TMEM272: variants seen among roughly 807,000 people sequenced by gnomAD.
The protein encoded by TMEM272 is transmembrane protein 272.
A neutral mutation model predicts 3.7 loss-of-function variants in TMEM272; 8 were observed. The ratio of observed to expected loss-of-function variants is 2.17; its 90% CI spans 1.27 to 3.91. The LOEUF is 3.91. Ranked by LOEUF, TMEM272 falls within the 30% of genes most tolerant of loss-of-function variation. The pLI is 0.00. For synonymous variants in TMEM272, 63 were observed against 39.8 expected (o/e 1.58, Z -2.20); for missense variants, 166 against 91.5 (o/e 1.81, Z -3.32).
chr13:51,858,520 T>G, the TMEM272 span, among the ~76,000 whole-genome samples: 27 of 152,142 alleles, frequency 1.8e-4, 1 homozygote, highest in Non-Finnish European at 3.5e-4. Flanking sequence ...AAGAAGAAAT[T>G]CCAGTGGATA....
the TMEM272 span, among the ~76,000 whole-genome samples, chr13:51,854,219 A>G: frequency 2.6e-5 from 4 of 152,172 alleles, no homozygotes; most frequent in Non-Finnish European, 4.4e-5. Context: ...TCTTATTGCT[A>G]TTTCCTCCAG....
At chr13:51,827,860 A>G (rs560102248) in intron 2 of TMEM272, among the ~76,000 whole-genome samples, 1 of 152,316 alleles carries the variant, frequency 6.6e-6, no homozygotes, top group South Asian at 2.1e-4. Flanking sequence ...CAGATACGTT[A>G]TTAGTGGATG....
the TMEM272 span, among the ~76,000 whole-genome samples, chr13:51,903,107 C>A: frequency 6.6e-6 from 1 of 152,198 alleles, no homozygotes; most frequent in African/African-American, 2.4e-5. Context: ...AGTTTGTACA[C>A]AAACACAATT....
the TMEM272 span, among the ~76,000 whole-genome samples, chr13:51,930,138 A>G: frequency 8.0e-6 from 1 of 125,080 alleles, no homozygotes; most frequent in Non-Finnish European, 1.7e-5. Context: ...CCCCCCCCCC[A>G]CTTTCTATAT....
chr13:51,885,913 A>G, the TMEM272 span, among the ~76,000 whole-genome samples: 1 of 152,226 alleles, frequency 6.6e-6, no homozygotes, highest in Non-Finnish European at 1.5e-5. Flanking sequence ...AAGAATTTCT[A>G]AAAATATAGC....
At chr13:51,925,722 C>G in the TMEM272 span, among the ~76,000 whole-genome samples, 1 of 152,120 alleles carries the variant, frequency 6.6e-6, no homozygotes, top group Admixed American at 6.5e-5. Flanking sequence ...GTGGCTTTCC[C>G]CTAAACACCC....
chr13:51,865,526 G>C, the TMEM272 span: 351 of 1,614,238 alleles, frequency 2.2e-4, 1 homozygote, highest in Middle Eastern at 1.5e-3. Context: ...GGAGGAAAAG[G>C]CTTTTCGCGA....
At chr13:51,913,962 CAT>C in the TMEM272 span, among the ~76,000 whole-genome samples, 1 of 152,186 alleles carries the variant, frequency 6.6e-6, no homozygotes, top group Non-Finnish European at 1.5e-5. Flanking sequence ...CAGCTGCAAA[CAT>C]GTTAAGAGAG....
chr13:51,865,277 G>C, the TMEM272 span: 1 of 914,538 alleles, frequency 1.1e-6, no homozygotes, highest in Non-Finnish European at 1.7e-6. Context: ...CAGAACCAAG[G>C]GCCGTCCCCT....
the TMEM272 span, among the ~76,000 whole-genome samples, chr13:51,853,819 G>A: frequency 1.3e-5 from 2 of 152,148 alleles, no homozygotes; most frequent in African/African-American, 4.8e-5. Flanking sequence ...GTAGTCATAA[G>A]GATAGGAAAT....
chr13:51,899,385 G>T, the TMEM272 span, among the ~76,000 whole-genome samples: 2 of 152,142 alleles, frequency 1.3e-5, no homozygotes, highest in Non-Finnish European at 2.9e-5. Context: ...CCAGAAAAGG[G>T]TATAGCGACT....
the TMEM272 span, among the ~76,000 whole-genome samples, chr13:51,852,018 A>T: frequency 6.6e-6 from 1 of 152,222 alleles, no homozygotes; most frequent in Non-Finnish European, 1.5e-5. Flanking sequence ...CTAGACATGG[A>T]ATTGCTGGGT....
At chr13:51,833,445 G>GAAGA (rs1438761678) in intron 2 of TMEM272, among the ~76,000 whole-genome samples, 2 of 152,218 alleles carry the variant, frequency 1.3e-5, no homozygotes, top group Non-Finnish European at 2.9e-5. Flanking sequence ...CTCTCGGAGT[G>GAAGA]AAGAGACCAG....
Position 51,817,038 on chromosome 13 carries a change from C to A in TMEM272, c.277G>T (p.Asp93Tyr). ...TTCTGCCTCCAGGGGTATTCGTCAT[C>A]GTCATCGTCATCAATCACCACGGCC... ...SKAVVIDDDD[D>Y]DEYPWRQNAH... The change falls in exon 5 of 5, where the codon GAT becomes TAT. Residue 93 changes from aspartate (D) to tyrosine (Y), a missense_variant. Transcript: ENST00000629372. 2 of 702,986 alleles carry A rather than the reference C, an allele frequency of 2.8e-6. No individual in the cohort carries two copies. The highest frequency in any genetic ancestry group is 1.5e-5 in the South Asian group (1 of 67,598). 43.5% of individuals were successfully genotyped at this position (702,986 alleles called of 1,614,324 possible). A position where few individuals can be genotyped will look rare whatever the true frequency, so the allele number is the denominator to read the frequency against.
At chr13:51,860,977 C>T in the TMEM272 span, among the ~76,000 whole-genome samples, 3 of 151,792 alleles carry the variant, frequency 2.0e-5, no homozygotes, top group Admixed American at 1.3e-4. Flanking sequence ...AAAGAAATTG[C>T]AGCATGTATA....
chr13:51,882,939 T>A, the TMEM272 span, among the ~76,000 whole-genome samples: 1 of 152,186 alleles, frequency 6.6e-6, no homozygotes, highest in East Asian at 1.9e-4. Context: ...CAGGCTGCAC[T>A]AGGCTGGTGC....
At chr13:51,890,839 C>T in the TMEM272 span, among the ~76,000 whole-genome samples, 15 of 152,168 alleles carry the variant, frequency 9.9e-5, no homozygotes, top group Non-Finnish European at 2.1e-4. Context: ...AAACTAAAGT[C>T]GTCTGCTCAG....
At chr13:51,913,175 A>C in the TMEM272 span, among the ~76,000 whole-genome samples, 11 of 152,260 alleles carry the variant, frequency 7.2e-5, no homozygotes, top group South Asian at 8.3e-4. Context: ...TGAAGGTGAA[A>C]GCTCCTCCCC....
intron 3 of TMEM272, among the ~76,000 whole-genome samples, chr13:51,824,097 T>A (rs1324256073): frequency 6.6e-6 from 1 of 152,260 alleles, no homozygotes; most frequent in Admixed American, 6.5e-5. Context: ...GGCTTAGATA[T>A]CTGCTCATTC....
Sources: allele counts gnomAD v4.1 joint callset (sites outside exome capture counted in the v4.1 genomes callset), GRCh38; gene constraint gnomAD v4.1.1; transcripts MANE v1.5; gene names NCBI Gene and HGNC (gene_info 2026-07-23, HGNC 2026-07-21).